The following PSMD11 variants were observed in gnomAD, a reference collection of about 807,000 sequenced individuals.
PSMD11 encodes the protein proteasome 26S subunit, non-ATPase 11, also known as 26S proteasome non-ATPase regulatory subunit 11.
PSMD11 carries 5 observed loss-of-function variants against 62.3 expected under a neutral mutation model. The observed-to-expected ratio is 0.08, with a 90% confidence interval of 0.04 to 0.17. PSMD11 has a LOEUF of 0.17. PSMD11 is among the 10% of genes least tolerant of loss of function. PSMD11 has a pLI of 1.00. For missense variants in PSMD11, 310 were observed against 512.9 expected, an observed-to-expected ratio of 0.60 and a Z score of 3.82; for synonymous variants, 191 against 191.8, an observed-to-expected ratio of 1.00 and a Z score of 0.03.
At chr17:32,463,670 T>A (rs1352426371) in intron 3 of PSMD11, among the ~76,000 whole-genome samples, 1 of 152,250 alleles carries the variant, frequency 6.6e-6, no homozygotes, top group East Asian at 1.9e-4. Flanking sequence ...ATTACCTGTG[T>A]ATTATACATT....
intron 3 of PSMD11, among the ~76,000 whole-genome samples, chr17:32,456,795 T>C (rs1014331518): frequency 1.3e-5 from 2 of 152,202 alleles, no homozygotes; most frequent in African/African-American, 4.8e-5. Flanking sequence ...CCTCCCAAAA[T>C]GCTGGGATTA....
In PSMD11 at chr17:32,454,546, A is replaced by G; in HGVS notation, c.245A>G (p.Lys82Arg). 6.2e-7 allele frequency: 1 copy of G among 1,614,054 alleles called. No individual in the cohort carries two copies. The highest frequency in any genetic ancestry group is 8.5e-7 in the Non-Finnish European group (1 of 1,179,930). The change falls in exon 3 of 14, where the codon AAG becomes AGG. Residue 82 changes from lysine to arginine, a missense_variant. This residue lies in a region of PSMD11 where 50 missense variants were observed against 94.4 expected (regional missense o/e 0.53). Transcript: ENST00000261712. ...YVRPFLNSIS[K>R]AKAARLVRSL... Reference sequence around the variant, plus strand: ...CGACCCTTCTTGAATTCCATCAGCAAGGCTAAAGCAGCTCGCCTGGTCCGA... The same window carrying G: ...CGACCCTTCTTGAATTCCATCAGCAGGGCTAAAGCAGCTCGCCTGGTCCGA...
rs563534025 is a variant in PSMD11, at chr17:32,452,920, T to G, written c.194-1575T>G. Among the ~76,000 whole-genome samples, 5 of 152,308 alleles carry G rather than the reference T, an allele frequency of 3.3e-5. No individual in the cohort carries two copies. In the South Asian group the frequency reaches 1.0e-3, roughly 32 times the overall value. ...GAAACAAGGACTTCGGAGGAACAGT[T>G]GAAATAGCCAAAGATGTTAAGCTTG... On this transcript the variant is annotated intron_variant, in intron 2 of 13. Transcript: ENST00000261712.
chr17:32,476,237 A>T (rs1454596970), intron 8 of PSMD11, among the ~76,000 whole-genome samples: 1 of 152,088 alleles, frequency 6.6e-6, no homozygotes, highest in Non-Finnish European at 1.5e-5. Context: ...ACTGTACTCT[A>T]ACCTGGGCGA....
intron 2 of PSMD11, among the ~76,000 whole-genome samples, chr17:32,452,698 A>G (rs1353235964): frequency 6.6e-6 from 1 of 152,204 alleles, no homozygotes; most frequent in Non-Finnish European, 1.5e-5. Flanking sequence ...AGTCTGAACA[A>G]AGAGAGGTGT....
intron 1 of PSMD11, 23 bp from the exon 2 acceptor site, chr17:32,446,922 G>C: frequency 1.3e-6 from 2 of 1,559,770 alleles, no homozygotes; most frequent in Non-Finnish European, 1.8e-6. Flanking sequence ...AATTTTAAGA[G>C]GGTTTGCATT....
chr17:32,452,081 C>T (rs1907519735), intron 2 of PSMD11, among the ~76,000 whole-genome samples: 1 of 152,204 alleles, frequency 6.6e-6, no homozygotes, highest in Non-Finnish European at 1.5e-5. Context: ...CAGGGGTCTG[C>T]ATGCCACCTG....
intron 5 of PSMD11, among the ~76,000 whole-genome samples, chr17:32,468,669 C>T (rs962374130): frequency 1.3e-5 from 2 of 152,048 alleles, no homozygotes; most frequent in African/African-American, 2.4e-5. Flanking sequence ...AAGAAGAGAG[C>T]GAGATTGTGT....
At chr17:32,446,882 A>G (rs1468781298) in intron 1 of PSMD11, 63 bp from the exon 2 acceptor site, 1 of 1,171,930 alleles carries the variant, frequency 8.5e-7, no homozygotes, top group Non-Finnish European at 1.3e-6. Context: ...ATGAGGGTGA[A>G]ATTTCCCTCA....
Position 32,474,037 on chromosome 17 carries a change from C to T in PSMD11, c.788+92C>T, listed in dbSNP as rs889338067. 3 of 1,485,196 alleles carry T rather than the reference C, an allele frequency of 2.0e-6. No individual in the cohort carries two copies. In the African/African-American group the frequency reaches 4.2e-5, roughly 21 times the overall value. 92.0% of individuals were successfully genotyped at this position (1,485,196 alleles called of 1,614,324 possible). A position where few individuals can be genotyped will look rare whatever the true frequency, so the allele number is the denominator to read the frequency against. ...AGATGGCCTGAGCAGGGAGTTTGGC[C>T]AGTTACAGAAACAGCAGCAGCTGCG... On this transcript the variant is annotated intron_variant, in intron 7 of 13. Coordinates refer to ENST00000261712, the MANE Select transcript of PSMD11 (RefSeq NM_002815.4).
At chr17:32,454,240 A>G (rs1263956170) in intron 2 of PSMD11, among the ~76,000 whole-genome samples, 2 of 152,216 alleles carry the variant, frequency 1.3e-5, no homozygotes, top group Non-Finnish European at 2.9e-5. Flanking sequence ...TGAAGCAGAG[A>G]CATGAGCTTT....
chr17:32,458,455 A>G (rs888770854), intron 3 of PSMD11, among the ~76,000 whole-genome samples: 8 of 152,158 alleles, frequency 5.3e-5, no homozygotes, highest in African/African-American at 1.7e-4. Flanking sequence ...TCTTATCTCA[A>G]GTTCTACCTC....
At chr17:32,471,590 C>T (rs1908163452) in intron 6 of PSMD11, among the ~76,000 whole-genome samples, 1 of 152,158 alleles carries the variant, frequency 6.6e-6, no homozygotes, top group African/African-American at 2.4e-5. Context: ...GTCATTCAGG[C>T]AGTCTAGAGA....
At chr17:32,456,564 C>G (rs573569693) in intron 3 of PSMD11, among the ~76,000 whole-genome samples, 28 of 151,844 alleles carry the variant, frequency 1.8e-4, no homozygotes, top group African/African-American at 6.8e-4. Context: ...GAGTCTCGCT[C>G]TGTCGCCCAG....
At chr17:32,453,975 C>G (rs1907576350) in intron 2 of PSMD11, among the ~76,000 whole-genome samples, 1 of 152,110 alleles carries the variant, frequency 6.6e-6, no homozygotes, top group South Asian at 2.1e-4. Flanking sequence ...AGTGACAATG[C>G]AGAAAGGCTA....
At chr17:32,456,912 C>T (rs1887037338) in intron 3 of PSMD11, among the ~76,000 whole-genome samples, 1 of 152,174 alleles carries the variant, frequency 6.6e-6, no homozygotes, top group Non-Finnish European at 1.5e-5. Context: ...GATGATCCAC[C>T]CGCCTTGGCC....
chr17:32,479,612 G>T, intron 10 of PSMD11: 1 of 696,280 alleles, frequency 1.4e-6, no homozygotes, highest in Non-Finnish European at 2.4e-6. Flanking sequence ...CTCGCTTTTA[G>T]TCACTGCATG....
intron 8 of PSMD11, among the ~76,000 whole-genome samples, chr17:32,476,126 T>C (rs901798877): frequency 9.9e-5 from 15 of 151,934 alleles, no homozygotes; most frequent in African/African-American, 3.6e-4. Flanking sequence ...TAGCCGGGCA[T>C]GGTAGTGCAT....
chr17:32,470,266 A>G (rs1567857036), intron 6 of PSMD11, among the ~76,000 whole-genome samples: 1 of 151,432 alleles, frequency 6.6e-6, no homozygotes, highest in African/African-American at 2.4e-5. Context: ...TGGCCTCTCA[A>G]AGTGCTGGGA....
Sources: gnomAD v4.1 joint callset for allele counts (sites outside exome capture counted in the v4.1 genomes callset) on GRCh38, gnomAD v4.1.1 for gene constraint, gnomAD v4.1.1 regional missense constraint, MANE v1.5 for transcripts, NCBI Gene and HGNC (gene_info 2026-07-23, HGNC 2026-07-21) for gene names.